LMBR1L: variants seen among roughly 807,000 people sequenced by gnomAD.
LMBR1L encodes limb development membrane protein 1 like.
LMBR1L carries 47 observed loss-of-function variants against 67.3 expected under a neutral mutation model. The ratio of observed to expected loss-of-function variants is 0.70; its 90% CI spans 0.55 to 0.89. The LOEUF (loss-of-function observed/expected upper bound fraction) is 0.89, where lower values mean the gene tolerates loss of function less well. LMBR1L is among the 40% of genes least tolerant of loss of function. LMBR1L has a pLI of 0.00. For missense variants in LMBR1L, 533 were observed against 599.2 expected, an observed-to-expected ratio of 0.89 and a Z score of 1.15; for synonymous variants, 247 against 250.3, an observed-to-expected ratio of 0.99 and a Z score of 0.13.
chr12:49,109,066 G>T (rs960956839), intron 1 of LMBR1L, among the ~76,000 whole-genome samples: 1 of 152,168 alleles, frequency 6.6e-6, no homozygotes, highest in Non-Finnish European at 1.5e-5. Flanking sequence ...GGGCTCAAAA[G>T]GTCAGGCTGG....
chr12:49,104,628 A>C, intron 4 of LMBR1L, 77 bp from the exon 5 acceptor site: 1 of 1,564,582 alleles, frequency 6.4e-7, no homozygotes, highest in Non-Finnish European at 8.8e-7. Context: ...TTTGCAGGAG[A>C]AGCAGAGTGG....
chr12:49,101,975 C>T (rs1157873485), intron 11 of LMBR1L, 145 bp downstream of exon 11: 1 of 675,398 alleles, frequency 1.5e-6, no homozygotes, highest in African/African-American at 1.8e-5. Flanking sequence ...TTGTGCTCAC[C>T]ACAGGCAGGA....
intron 2 of LMBR1L, among the ~76,000 whole-genome samples, chr12:49,106,231 C>A (rs1165011512): frequency 1.3e-5 from 2 of 152,154 alleles, no homozygotes; most frequent in African/African-American, 4.8e-5. Flanking sequence ...ATCACAAGTT[C>A]CTCTTTATAT....
In LMBR1L at chr12:49,106,968, G is replaced by A. The variant is rs752873508; in HGVS notation, c.150C>T (p.Phe50=). The change falls in exon 2 of 17, where the codon TTC becomes TTT. Residue 50 remains phenylalanine (F), a synonymous_variant. Transcript: ENST00000267102. The part of the protein sequence containing the change: ...FLTRFKKPAE[F]TTVDDEDATV... The stretch of plus-strand genomic sequence containing the variant: ...GGAGGGAAATCAAAGTACCTGTGGT[G>A]AACTCAGCAGGCTTCTTGAAGCGGG... 22 of 1,610,370 alleles carry A rather than the reference G, an allele frequency of 1.4e-5. No individual in the cohort carries two copies. The highest frequency in any genetic ancestry group is 1.9e-5 in the Non-Finnish European group (22 of 1,176,510).
At position 49,102,944 on chromosome 12, in the gene LMBR1L, A is replaced by G; in HGVS notation, c.639T>C (p.Thr213=). ...AGAACATGCGGGCGAGACCCAGTGG[A>G]GTACACACTGTAGGGACAAGAGCCA... The part of the protein sequence containing the change: ...FLGVLLLLVC[T]PLGLARMFSV... Residue 213 remains threonine, a synonymous_variant, in exon 8 of 17, where the codon ACT becomes ACC. Coordinates refer to ENST00000267102, the MANE Select transcript of LMBR1L (RefSeq NM_018113.4). The G allele has an allele frequency of 1.2e-6, 2 of 1,614,050 alleles. No homozygotes were observed. The highest frequency in any genetic ancestry group is 1.3e-5 in the African/African-American group (1 of 75,014).
rs749880895 is a variant in LMBR1L at position 49,102,387 on chromosome 12, A to C, written c.770-11T>G. 12 of 1,614,082 alleles carry C rather than the reference A, an allele frequency of 7.4e-6. No homozygotes were observed. The highest frequency in any genetic ancestry group is 1.0e-5 in the Non-Finnish European group (12 of 1,179,898). On this transcript the variant is annotated splice_polypyrimidine_tract_variant and intron_variant, in intron 9 of 16. Coordinates refer to ENST00000267102, the MANE Select transcript of LMBR1L (RefSeq NM_018113.4). ...AGCAGGAAGTAGGATCTGAGGGCAG[A>C]GAAGATGGTGTTGCTCTCAAGTCCT...
Position 49,101,502 on chromosome 12 carries a change from G to C in LMBR1L, c.978C>G (p.Ile326Met), listed in dbSNP as rs943663626. Residue 326 changes from isoleucine to methionine, a missense_variant, in exon 12 of 17, where the codon ATC (isoleucine) becomes ATG (methionine). This residue lies in a region of LMBR1L where 223 missense variants were observed against 241.2 expected (regional missense o/e 0.92). Coordinates refer to ENST00000267102, the MANE Select transcript of LMBR1L (RefSeq NM_018113.4). ...TGCCTCGGGGCATGGCAGCCTCATC[G>C]ATGAGCAGCTCCAGGATGTGGATGG... ...IVAIHILELL[I>M]DEAAMPRGMQ... 3 of 1,613,892 alleles carry C rather than the reference G, an allele frequency of 1.9e-6. No homozygotes were observed. Among genetic ancestry groups the C allele is most frequent in the African/African-American group, 2.7e-5 (2 of 74,916 alleles).
In LMBR1L at chr12:49,110,606, G is replaced by T; in HGVS notation, c.-51C>A. 2 of 1,553,858 alleles carry T rather than the reference G, an allele frequency of 1.3e-6. No homozygotes were observed. The highest frequency in any genetic ancestry group is 2.2e-5 in the East Asian group (1 of 44,564). ...AGGTGCCTCTGGGCCCGGGGAGGAC[G>T]AGCGGGGAGGAAGCCGCCGCCGCCA... On this transcript the variant is annotated 5_prime_UTR_variant, in exon 1 of 17. Coordinates refer to ENST00000267102, the MANE Select transcript of LMBR1L (RefSeq NM_018113.4).
chr12:49,103,221 C>T, intron 6 of LMBR1L, 62 bp from the exon 7 acceptor site: 1 of 1,428,256 alleles, frequency 7.0e-7, no homozygotes, highest in Non-Finnish European at 9.8e-7. Flanking sequence ...CCCAGGCTGA[C>T]AGGCCTCAGA....
intron 5 of LMBR1L, 70 bp downstream of exon 5, chr12:49,104,378 T>C: frequency 3.4e-6 from 4 of 1,166,010 alleles, no homozygotes; most frequent in Non-Finnish European, 5.1e-6. Context: ...AGCCTCTTTA[T>C]TAAAATCTCT....
intron 4 of LMBR1L, 48 bp downstream of exon 4, chr12:49,104,698 C>T: frequency 1.2e-6 from 2 of 1,609,930 alleles, no homozygotes; most frequent in Non-Finnish European, 1.7e-6. Context: ...ACTCTATCTG[C>T]TCTCTGCTCC....
chr12:49,107,245 G>T (rs1941022633), intron 1 of LMBR1L, among the ~76,000 whole-genome samples, 200 bp from the exon 2 acceptor site: 1 of 152,202 alleles, frequency 6.6e-6, no homozygotes, highest in African/African-American at 2.4e-5. Flanking sequence ...TCAAAGAAGG[G>T]CCAGACAGGG....
At chr12:49,108,567 A>T (rs1349793102) in intron 1 of LMBR1L, among the ~76,000 whole-genome samples, 1 of 148,478 alleles carries the variant, frequency 6.7e-6, no homozygotes, top group Non-Finnish European at 1.5e-5. Flanking sequence ...GTCTCAAAAA[A>T]AAAAAAAAAA....
At chr12:49,108,837 C>T (rs1015023594) in intron 1 of LMBR1L, among the ~76,000 whole-genome samples, 1 of 152,146 alleles carries the variant, frequency 6.6e-6, no homozygotes, top group Non-Finnish European at 1.5e-5. Context: ...ATGGGTCTTC[C>T]AGTCTCCAGA....
chr12:49,104,238 C>T (rs1208334055), intron 5 of LMBR1L: 2 of 573,652 alleles, frequency 3.5e-6, no homozygotes, highest in African/African-American at 3.7e-5. Context: ...GGCAGCTTCA[C>T]ATCCCTGGCT....
chr12:49,104,068 C>T (rs1408666892), intron 5 of LMBR1L: 1 of 499,044 alleles, frequency 2.0e-6, no homozygotes, highest in East Asian at 3.3e-5. Context: ...AGGCTGACCT[C>T]CGAGGTCTGC....
chr12:49,103,003 C>T (rs1337951750), intron 7 of LMBR1L, 52 bp from the exon 8 acceptor site: 1 of 1,607,876 alleles, frequency 6.2e-7, no homozygotes, highest in East Asian at 2.2e-5. Flanking sequence ...CACCCCTTCC[C>T]TAACATGCCC....
chr12:49,104,172 G>A (rs575635528), intron 5 of LMBR1L: 10 of 497,400 alleles, frequency 2.0e-5, no homozygotes, highest in Admixed American at 7.4e-5. Flanking sequence ...GTCCTCCCAC[G>A]TCTGCCACCA....
chr12:49,098,143 A>G (rs1565580876), intron 15 of LMBR1L, 38 bp from the exon 16 acceptor site: 4 of 1,585,008 alleles, frequency 2.5e-6, no homozygotes, highest in Non-Finnish European at 2.6e-6. Flanking sequence ...TGGGCTCCCC[A>G]GGCCCTTTTC....
Sources: gnomAD v4.1 joint callset for allele counts (sites outside exome capture counted in the v4.1 genomes callset) on GRCh38, gnomAD v4.1.1 for gene constraint, gnomAD v4.1.1 regional missense constraint, MANE v1.5 for transcripts, NCBI Gene and HGNC (gene_info 2026-07-23, HGNC 2026-07-21) for gene names.